Variants in SH3BGRL2 observed in about 807,000 individuals in gnomAD.
SH3BGRL2 encodes SH3 domain-binding glutamic acid-rich-like protein 2.
SH3BGRL2 carries 21 observed loss-of-function variants against 14.8 expected under a neutral mutation model. The observed-to-expected ratio is 1.42, with a 90% CI of 1.01 to 2.05. The LOEUF is 2.05. Ranked by LOEUF, SH3BGRL2 falls within the 30% of genes most tolerant of loss-of-function variation. The probability of loss-of-function intolerance (pLI) is 0.00; values close to 1 mark genes in which losing one functional copy is unlikely to be tolerated. For missense variants in SH3BGRL2, 147 were observed against 130.8 expected (o/e 1.12, Z -0.61); for synonymous variants, 50 against 47.8 (o/e 1.05, Z -0.19).
the SH3BGRL2 span, among the ~76,000 whole-genome samples, chr6:79,563,131 A>AT: frequency 5.2e-4 from 76 of 146,588 alleles, no homozygotes; most frequent in Middle Eastern, 3.5e-3. Flanking sequence ...AATTTTTTGA[A>AT]TTTTTTTTTT....
chr6:79,579,229 G>T, the SH3BGRL2 span, among the ~76,000 whole-genome samples: 3 of 152,166 alleles, frequency 2.0e-5, no homozygotes, highest in Admixed American at 6.5e-5. Flanking sequence ...CACACTGCAG[G>T]ATATTATCCA....
At chr6:79,664,625 C>T (rs1321331514) in intron 1 of SH3BGRL2, among the ~76,000 whole-genome samples, 1 of 152,210 alleles carries the variant, frequency 6.6e-6, no homozygotes, top group East Asian at 1.9e-4. Flanking sequence ...CAGTGTCCCA[C>T]ACAGACCTCA....
the SH3BGRL2 span, among the ~76,000 whole-genome samples, chr6:79,566,361 G>A: frequency 6.6e-6 from 1 of 152,068 alleles, no homozygotes; most frequent in South Asian, 2.1e-4. Context: ...AAATAGGGCC[G>A]CCTTCAAGTT....
At chr6:79,678,833 A>G (rs75249981) in intron 2 of SH3BGRL2, among the ~76,000 whole-genome samples, 18,148 of 152,060 alleles carry the variant, frequency 0.12, 1,232 homozygotes, top group Non-Finnish European at 0.15. Context: ...TGGGTCCTCA[A>G]TGTTCAGCTC....
At chr6:79,688,163 T>C (rs1770138709) in intron 2 of SH3BGRL2, among the ~76,000 whole-genome samples, 1 of 151,912 alleles carries the variant, frequency 6.6e-6, no homozygotes, top group African/African-American at 2.4e-5. Context: ...TGGTTTTCAC[T>C]TGAACATAAA....
At chr6:79,582,195 AAATGGCCATACTGCCC>A in the SH3BGRL2 span, among the ~76,000 whole-genome samples, 1 of 152,222 alleles carries the variant, frequency 6.6e-6, no homozygotes, top group African/African-American at 2.4e-5. Context: ...TATATCATGA[AAATGGCCATACTGCCC>A]AAAGTAATTT....
chr6:79,620,174 T>C, the SH3BGRL2 span, among the ~76,000 whole-genome samples: 23 of 152,290 alleles, frequency 1.5e-4, no homozygotes, highest in East Asian at 4.4e-3. Flanking sequence ...TCCCCTGGAA[T>C]AATAAACTAA....
At chr6:79,564,608 G>A in the SH3BGRL2 span, among the ~76,000 whole-genome samples, 1 of 152,000 alleles carries the variant, frequency 6.6e-6, no homozygotes. Context: ...AATTATTTCA[G>A]CAAGGAGAGG....
chr6:79,565,767 C>G, the SH3BGRL2 span, among the ~76,000 whole-genome samples: 59 of 152,342 alleles, frequency 3.9e-4, no homozygotes, highest in African/African-American at 1.4e-3. Context: ...GGGAGATTCA[C>G]TGGTACAGTG....
the SH3BGRL2 span, among the ~76,000 whole-genome samples, chr6:79,554,915 T>G: frequency 6.8e-6 from 1 of 147,988 alleles, no homozygotes; most frequent in Non-Finnish European, 1.5e-5. Flanking sequence ...AATATTATTA[T>G]ATGCACAAAT....
At chr6:79,542,330 C>T in the SH3BGRL2 span, among the ~76,000 whole-genome samples, 130 of 151,184 alleles carry the variant, frequency 8.6e-4, no homozygotes, top group African/African-American at 2.9e-3. Context: ...TGCAATGGTG[C>T]GATCTCAGCT....
At chr6:79,688,010 T>G (rs2746318) in intron 2 of SH3BGRL2, among the ~76,000 whole-genome samples, 18,369 of 152,088 alleles carry the variant, frequency 0.12, 1,654 homozygotes, top group East Asian at 0.42. Context: ...ATTAAGGTGT[T>G]TGTCTCAGAT....
At chr6:79,601,814 A>T in the SH3BGRL2 span, among the ~76,000 whole-genome samples, 1 of 152,186 alleles carries the variant, frequency 6.6e-6, no homozygotes, top group Non-Finnish European at 1.5e-5. Context: ...CATTTTTACT[A>T]TGAAGGTTAT....
chr6:79,607,927 C>G, the SH3BGRL2 span, among the ~76,000 whole-genome samples: 1 of 152,078 alleles, frequency 6.6e-6, no homozygotes, highest in Non-Finnish European at 1.5e-5. Flanking sequence ...GCCTGGAAGA[C>G]AGAGCGAGAC....
the SH3BGRL2 span, among the ~76,000 whole-genome samples, chr6:79,614,152 A>G: frequency 6.6e-6 from 1 of 152,142 alleles, no homozygotes; most frequent in Non-Finnish European, 1.5e-5. Context: ...TTTGCATAGT[A>G]TTGTGGCTGA....
At chr6:79,695,029 T>G (rs1463034069) in intron 2 of SH3BGRL2, among the ~76,000 whole-genome samples, 1 of 152,186 alleles carries the variant, frequency 6.6e-6, no homozygotes, top group Non-Finnish European at 1.5e-5. Flanking sequence ...TCAAGATCAT[T>G]TTCTTGGTTT....
At chr6:79,596,573 G>T in the SH3BGRL2 span, among the ~76,000 whole-genome samples, 2 of 152,274 alleles carry the variant, frequency 1.3e-5, no homozygotes, top group East Asian at 3.9e-4. Context: ...GGGATTACAG[G>T]CATGGACCAT....
the SH3BGRL2 span, among the ~76,000 whole-genome samples, chr6:79,541,629 C>G: frequency 6.6e-6 from 1 of 152,156 alleles, no homozygotes; most frequent in Non-Finnish European, 1.5e-5. Flanking sequence ...ACTCTGACTG[C>G]CCACACTTGA....
upstream of SH3BGRL2, among the ~76,000 whole-genome samples, chr6:79,629,753 C>T (rs1768789561): frequency 6.6e-6 from 1 of 152,152 alleles, no homozygotes; most frequent in African/African-American, 2.4e-5. Context: ...GTGTCTTGTT[C>T]TGTCACTATT....
Sources: gnomAD v4.1 joint callset for allele counts (sites outside exome capture counted in the v4.1 genomes callset) on GRCh38, gnomAD v4.1.1 for gene constraint, MANE v1.5 for transcripts, NCBI Gene and HGNC (gene_info 2026-07-23, HGNC 2026-07-21) for gene names.